The following LGALS3 variants were observed in gnomAD, a reference collection of about 807,000 sequenced individuals.
LGALS3 encodes the protein galectin 3.
Under a neutral mutation model 20.7 loss-of-function variants are expected in LGALS3, and 18 were observed. That is an observed-to-expected ratio of 0.87 (90% CI 0.60 to 1.29). LGALS3 has a LOEUF of 1.29. Ranked by LOEUF, LGALS3 falls within the 50% of genes most tolerant of loss-of-function variation. LGALS3 has a pLI of 0.00. For synonymous variants in LGALS3, 112 were observed against 119.6 expected (o/e 0.94, Z 0.42); for missense variants, 315 against 314.7 (o/e 1.00, Z -0.01).
At chr14:55,134,882 C>T (rs1280594559) in intron 1 of LGALS3, among the ~76,000 whole-genome samples, 3 of 151,964 alleles carry the variant, frequency 2.0e-5, no homozygotes, top group East Asian at 1.9e-4. Context: ...TGGCTGGATG[C>T]GGTGGCTCAT....
intron 5 of LGALS3, among the ~76,000 whole-genome samples, chr14:55,143,251 G>A (rs558967904): frequency 3.9e-5 from 6 of 152,170 alleles, no homozygotes; most frequent in South Asian, 2.1e-4. Context: ...CATACAGCAC[G>A]CTTTTTATTT....
intron 5 of LGALS3, chr14:55,143,610 C>T (rs8011980): frequency 0.067 from 13,655 of 203,288 alleles, 1,440 homozygotes; most frequent in African/African-American, 0.25. Flanking sequence ...TCTGTAGAGA[C>T]GGGGTTTCAC....
At chr14:55,137,792 A>G in intron 2 of LGALS3, 1 of 1,295,102 alleles carries the variant, frequency 7.7e-7, no homozygotes, top group Non-Finnish European at 9.8e-7. Context: ...GACTTGAGCT[A>G]ATTATGAAAA....
At position 55,134,020 on chromosome 14, in the gene LGALS3, C is replaced by T. The variant is rs1364763098; in HGVS notation, c.-4-3350C>T. ...AACTAGCTAGATTGGCGGTCCTCAA[C>T]TAGCCATGATTTTGCTCCCAGGGGA... On this transcript the variant is annotated intron_variant, in intron 1 of 5. Transcript: ENST00000254301. Among the ~76,000 whole-genome samples the T allele has an allele frequency of 2.0e-5, 3 of 152,200 alleles. No individual in the cohort carries two copies. The South Asian group carries it at 6.2e-4, about 31-fold the overall frequency.
In LGALS3 at chr14:55,138,199, C is replaced by T; in HGVS notation, c.173C>T (p.Ala58Val). ...CCCCCAGGGGCTTATCCTGGACAGG[C>T]ACCTCCAGGCGCCTACCCTGGAGCA... ...QAPPGAYPGQAPPGAYPGAPG... is the reference protein window; with the variant it reads ...QAPPGAYPGQVPPGAYPGAPG... Residue 58 changes from alanine (A) to valine (V), a missense_variant, in exon 3 of 6, where the codon GCA becomes GTA. Coordinates refer to ENST00000254301, the MANE Select transcript of LGALS3 (RefSeq NM_002306.4). 1.2e-6 allele frequency: 2 copies of T among 1,612,862 alleles called. No individual in the cohort carries two copies. The highest frequency in any genetic ancestry group is 2.2e-5 in the South Asian group (2 of 91,064).
At chr14:55,135,315 T>C (rs888658543) in intron 1 of LGALS3, among the ~76,000 whole-genome samples, 10 of 152,178 alleles carry the variant, frequency 6.6e-5, no homozygotes, top group Admixed American at 3.9e-4. Flanking sequence ...TCAGAGGCCA[T>C]GCTCTACAGA....
intron 1 of LGALS3, among the ~76,000 whole-genome samples, chr14:55,131,682 G>A (rs570941429): frequency 2.4e-4 from 36 of 152,138 alleles, no homozygotes; most frequent in Non-Finnish European, 1.3e-4. Context: ...AGTCTAGGCT[G>A]TGCTTGCTGT....
chr14:55,132,597 C>A (rs940716842), intron 1 of LGALS3, among the ~76,000 whole-genome samples: 8 of 151,496 alleles, frequency 5.3e-5, no homozygotes, highest in Non-Finnish European at 7.4e-5. Flanking sequence ...TGAGATGGAG[C>A]CTCGCAGTCT....
At chr14:55,138,467 A>T (rs1342691018) in intron 3 of LGALS3, 99 bp downstream of exon 3, 3 of 1,268,122 alleles carry the variant, frequency 2.4e-6, no homozygotes, top group Non-Finnish European at 3.4e-6. Context: ...CTCAAGGGCC[A>T]GCCATGGGTG....
chr14:55,138,139 G>T lies in LGALS3; in HGVS notation c.113G>T (p.Gly38Val). 6.3e-7 allele frequency: 1 copy of T among 1,582,304 alleles called. No individual in the cohort carries two copies. The highest frequency in any genetic ancestry group is 8.6e-7 in the Non-Finnish European group (1 of 1,167,564). Residue 38 changes from glycine (G) to valine (V), a missense_variant, in exon 3 of 6, where the codon GGG (glycine) becomes GTG (valine). Physicochemically the swap from Gly to Val is moderately radical, Grantham distance 109. Coordinates refer to ENST00000254301, the MANE Select transcript of LGALS3 (RefSeq NM_002306.4). ...NQPAGAGGYP[G>V]ASYPGAYPGQ... is the part of the protein sequence containing the mutation. ...CCTGCTGGGGCAGGGGGCTACCCAG[G>T]GGCTTCCTATCCTGGGGCCTACCCC...
intron 1 of LGALS3, among the ~76,000 whole-genome samples, chr14:55,136,292 T>C (rs1350924685): frequency 1.3e-5 from 2 of 152,134 alleles, no homozygotes; most frequent in Non-Finnish European, 2.9e-5. Context: ...AATATTTTAT[T>C]TGGAATAACA....
chr14:55,144,686 C>T (rs912709055), intron 5 of LGALS3, among the ~76,000 whole-genome samples: 1 of 152,204 alleles, frequency 6.6e-6, no homozygotes, highest in Non-Finnish European at 1.5e-5. Context: ...GCCTCAGCCT[C>T]CCAAGTAGCT....
At chr14:55,130,760 G>T (rs1325893407) in intron 1 of LGALS3, among the ~76,000 whole-genome samples, 4 of 150,312 alleles carry the variant, frequency 2.7e-5, no homozygotes, top group African/African-American at 4.9e-5. Flanking sequence ...TGGTGGGGGG[G>T]GGGGGGTCCC....
At position 55,137,408 on chromosome 14, in the gene LGALS3, T is replaced by G; in HGVS notation, c.18+17T>G. On this transcript the variant is annotated intron_variant, in intron 2 of 5. Coordinates refer to ENST00000254301, the MANE Select transcript of LGALS3 (RefSeq NM_002306.4). Reference sequence around the variant, plus strand: ...AATTTTTCGGTAAGTGTTTTATGCCTGTTTCTTCCCCTTGATCAGCTCCAC... The same window carrying G: ...AATTTTTCGGTAAGTGTTTTATGCCGGTTTCTTCCCCTTGATCAGCTCCAC... 6.2e-7 allele frequency: 1 copy of G among 1,614,224 alleles called. No homozygotes were observed. Among genetic ancestry groups the G allele is most frequent in the Non-Finnish European group, 8.5e-7 (1 of 1,180,014 alleles).
chr14:55,138,122 G>A lies in LGALS3; in HGVS notation c.96G>A (p.Gly32=). 1.3e-6 allele frequency: 2 copies of A among 1,555,634 alleles called. No homozygotes were observed. The highest frequency in any genetic ancestry group is 1.7e-6 in the Non-Finnish European group (2 of 1,154,686). Residue 32 remains glycine, a synonymous_variant, in exon 3 of 6, where the codon GGG becomes GGA. Transcript: ENST00000254301. ...WPGAWGNQPA[G]AGGYPGASYP... Reference sequence around the variant, plus strand: ...GCGCATGGGGGAACCAGCCTGCTGGGGCAGGGGGCTACCCAGGGGCTTCCT... The same window carrying A: ...GCGCATGGGGGAACCAGCCTGCTGGAGCAGGGGGCTACCCAGGGGCTTCCT...
At chr14:55,136,422 C>T (rs1399560945) in intron 1 of LGALS3, among the ~76,000 whole-genome samples, 2 of 152,116 alleles carry the variant, frequency 1.3e-5, no homozygotes, top group African/African-American at 4.8e-5. Context: ...TCCTACAGCA[C>T]ACATTCTGAC....
At chr14:55,139,039 C>A (rs565506955) in intron 3 of LGALS3, among the ~76,000 whole-genome samples, 4 of 152,012 alleles carry the variant, frequency 2.6e-5, no homozygotes, top group Non-Finnish European at 5.9e-5. Context: ...GGGATTAGAC[C>A]ATTTCAGGAC....
chr14:55,144,633 G>A (rs974046877), intron 5 of LGALS3, among the ~76,000 whole-genome samples: 16 of 152,060 alleles, frequency 1.1e-4, no homozygotes, highest in Non-Finnish European at 1.0e-4. Context: ...GCACTATCTC[G>A]GCTAACTTCA....
At chr14:55,135,311 G>A (rs1268420267) in intron 1 of LGALS3, among the ~76,000 whole-genome samples, 3 of 152,132 alleles carry the variant, frequency 2.0e-5, no homozygotes, top group Non-Finnish European at 4.4e-5. Flanking sequence ...ATGTTCAGAG[G>A]CCATGCTCTA....
Sources: gnomAD v4.1 joint callset for allele counts (sites outside exome capture counted in the v4.1 genomes callset) on GRCh38, gnomAD v4.1.1 for gene constraint, MANE v1.5 for transcripts, NCBI Gene and HGNC (gene_info 2026-07-23, HGNC 2026-07-21) for gene names.